The following SYF2 variants were observed in gnomAD, a reference collection of about 807,000 sequenced individuals.
SYF2 encodes the protein SYF2 pre-mRNA splicing factor, also known as pre-mRNA-splicing factor SYF2.
Under a neutral mutation model 32.7 loss-of-function variants are expected in SYF2, and 21 were observed. The observed-to-expected ratio is 0.64, with a 90% confidence interval of 0.45 to 0.92. The LOEUF (loss-of-function observed/expected upper bound fraction) is 0.92, where lower values mean the gene tolerates loss of function less well. Among genes scored for constraint, SYF2 ranks in the 40% least tolerant of loss-of-function variants. SYF2 has a pLI of 0.00. For synonymous variants in SYF2, 114 were observed against 103.9 expected, an observed-to-expected ratio of 1.10 and a Z score of -0.59; for missense variants, 278 against 296.5, an observed-to-expected ratio of 0.94 and a Z score of 0.46.
chr1:25,227,480 T>G lies in SYF2; in HGVS notation c.429A>C (p.Lys143Asn). 1 of 1,613,846 alleles carries G rather than the reference T, an allele frequency of 6.2e-7. No individual in the cohort carries two copies. Among genetic ancestry groups the G allele is most frequent in the Non-Finnish European group, 8.5e-7 (1 of 1,179,930 alleles). Reference sequence around the variant, plus strand: ...GTCTCTCATATGTTTCCATGTCAGGTTTGATCTGCTTGGTCAACCGATGAT... The same window carrying G: ...GTCTCTCATATGTTTCCATGTCAGGGTTGATCTGCTTGGTCAACCGATGAT... Reference protein sequence around the residue: ...RQYHRLTKQIKPDMETYERLR... With the variant: ...RQYHRLTKQINPDMETYERLR... The change falls in exon 5 of 7, where the codon AAA becomes AAC. Residue 143 changes from lysine to asparagine, a missense_variant. By Grantham distance (94) the Lys-to-Asn change is moderately conservative. Transcript: ENST00000236273.
At chr1:25,228,895 G>A in intron 3 of SYF2, 103 bp downstream of exon 3, 1 of 1,403,984 alleles carries the variant, frequency 7.1e-7, no homozygotes, top group Non-Finnish European at 9.6e-7. Context: ...TTCAATTCTG[G>A]CAGCTTGGCC....
chr1:25,224,961 T>C (rs1394644822), intron 6 of SYF2, 41 bp downstream of exon 6: 1 of 1,369,076 alleles, frequency 7.3e-7, no homozygotes. Flanking sequence ...CATTTTGTCA[T>C]GAAGTATTTA....
At chr1:25,232,023 G>T in intron 2 of SYF2, 81 bp downstream of exon 2, 1 of 1,358,170 alleles carries the variant, frequency 7.4e-7, no homozygotes, top group Non-Finnish European at 1.0e-6. Flanking sequence ...AGACGCAGTG[G>T]TGTGGCTTCC....
rs200773278 is a variant in SYF2, at chr1:25,223,437, G to A, written c.567-6C>T. On this transcript the variant is annotated splice_region_variant and splice_polypyrimidine_tract_variant and intron_variant, in intron 6 of 6. Coordinates refer to ENST00000236273, the MANE Select transcript of SYF2 (RefSeq NM_015484.5). ...ATTTGTCTCGTTTTTCAATCCTGGG[G>A]AAAGAAGAAAATTTACAAAATTCAA... 1,793 of 1,595,224 alleles carry A rather than the reference G, an allele frequency of 1.1e-3. 44 individuals are homozygous for A. In the Admixed American group the frequency reaches 0.03, roughly 27 times the overall value.
chr1:25,231,902 A>G (rs1638637772), intron 2 of SYF2: 2 of 653,946 alleles, frequency 3.1e-6, no homozygotes, highest in South Asian at 3.4e-5. Context: ...GAGGGGCTGG[A>G]GTGAACAGTT....
chr1:25,228,447 C>G (rs1274002816), intron 3 of SYF2, among the ~76,000 whole-genome samples: 1 of 152,104 alleles, frequency 6.6e-6, no homozygotes, highest in Admixed American at 6.5e-5. Flanking sequence ...GGATTCTCAT[C>G]TCTTAGCCTC....
intron 2 of SYF2, among the ~76,000 whole-genome samples, chr1:25,229,584 G>A (rs751030950): frequency 6.6e-6 from 1 of 151,978 alleles, no homozygotes; most frequent in Non-Finnish European, 1.5e-5. Flanking sequence ...AGACCAGGCT[G>A]GCCAACATGG....
chr1:25,226,642 CAT>C (rs750604228), intron 5 of SYF2, among the ~76,000 whole-genome samples: 7 of 152,174 alleles, frequency 4.6e-5, no homozygotes, highest in Admixed American at 3.9e-4. Flanking sequence ...AAACAAAAAA[CAT>C]GTGATTAATT....
chr1:25,230,651 T>C (rs1233506937), intron 2 of SYF2: 1 of 152,092 alleles, frequency 6.6e-6, no homozygotes, highest in South Asian at 2.1e-4. Context: ...GTTGAGTCTG[T>C]TGCACAGAAG....
rs181645884 is a variant in SYF2 at position 25,226,576 on chromosome 1, G to A, written c.467+866C>T. ...CCTAAAATAATATCTAAGTAACTAC[G>A]ACAATCAGGGTGTTAACCAATCAAC... On this transcript the variant is annotated intron_variant, in intron 5 of 6. Transcript: ENST00000236273. Among the ~76,000 whole-genome samples, 358 of 152,278 alleles carry A rather than the reference G, an allele frequency of 2.4e-3. 1 individual carries two copies. The highest frequency in any genetic ancestry group is 7.5e-3 in the African/African-American group (312 of 41,558).
At chr1:25,229,501 G>A (rs1036116225) in intron 2 of SYF2, among the ~76,000 whole-genome samples, 3 of 152,180 alleles carry the variant, frequency 2.0e-5, no homozygotes, top group Non-Finnish European at 4.4e-5. Flanking sequence ...TTGGCCAGGT[G>A]CAGTGGATCA....
At chr1:25,223,859 AT>A (rs899555670) in intron 6 of SYF2, among the ~76,000 whole-genome samples, 2 of 151,978 alleles carry the variant, frequency 1.3e-5, no homozygotes, top group South Asian at 2.1e-4. Context: ...TATAAAAAAA[AT>A]TTTTTTGAAT....
rs1313553720 is a variant in SYF2 at position 25,232,475 on chromosome 1, T to C, written c.-8A>G. 1 of 1,613,802 alleles carries C rather than the reference T, an allele frequency of 6.2e-7. No individual in the cohort carries two copies. The highest frequency in any genetic ancestry group is 8.5e-7 in the Non-Finnish European group (1 of 1,180,046). On this transcript the variant is annotated 5_prime_UTR_variant, in exon 1 of 7. Transcript: ENST00000236273. ...TGCAGCTATAGCCGCCATCACAACC[T>C]TTCTCTCTTCCCACTTCCGGCAACA...
chr1:25,232,178 C>CG lies in SYF2; in HGVS notation c.57dup (p.Ala20ArgfsTer27). 1 of 1,613,954 alleles carries CG rather than the reference C, an allele frequency of 6.2e-7. No homozygotes were observed. Among genetic ancestry groups the CG allele is most frequent in the Non-Finnish European group, 8.5e-7 (1 of 1,180,024 alleles). ...TGAGCGGCCAGCTCCGCCGCCGCAG[C>CG]GAGGGACCCCTCCTCCGCGCTGTCC... On this transcript the variant is annotated frameshift_variant, in exon 2 of 7. Coordinates refer to ENST00000236273, the MANE Select transcript of SYF2 (RefSeq NM_015484.5). LOFTEE classifies it high-confidence loss of function.
intron 5 of SYF2, 37 bp downstream of exon 5, chr1:25,227,405 A>C (rs1638533784): frequency 6.5e-7 from 1 of 1,542,204 alleles, no homozygotes. Flanking sequence ...ACACACACAA[A>C]TACATCCACA....
At chr1:25,228,034 A>T in intron 4 of SYF2, 84 bp downstream of exon 4, 3 of 1,093,088 alleles carry the variant, frequency 2.7e-6, no homozygotes, top group Non-Finnish European at 4.1e-6. Flanking sequence ...GAAGCACAAG[A>T]GGCACATCCT....
rs1557470143 is a variant in SYF2 at position 25,227,440 on chromosome 1, A to G, written c.467+2T>C. The G allele has an allele frequency of 3.7e-6, 6 of 1,612,336 alleles. No homozygotes were observed. The South Asian group carries it at 4.4e-5, about 12-fold the overall frequency. On this transcript the variant is annotated splice_donor_variant, in intron 5 of 6. Transcript: ENST00000236273. LOFTEE classifies it high-confidence loss of function. Reference sequence around the variant, plus strand: ...ATCACCTCAGGTTGAAAAAGGACTTACTGTTTTTCTCTCAGTCTCTCATAT... The same window carrying G: ...ATCACCTCAGGTTGAAAAAGGACTTGCTGTTTTTCTCTCAGTCTCTCATAT...
intron 5 of SYF2, among the ~76,000 whole-genome samples, chr1:25,225,660 C>A (rs1023311152): frequency 1.5e-4 from 23 of 150,822 alleles, no homozygotes; most frequent in African/African-American, 5.6e-4. Context: ...GAGTTTGAGA[C>A]CAGCCTGGCC....
In SYF2 at chr1:25,229,473, T is replaced by G. The variant is rs116551033; in HGVS notation, c.133-350A>C. Among the ~76,000 whole-genome samples the G allele has an allele frequency of 7.0e-3, 1,070 of 152,234 alleles. 8 individuals are homozygous for G. Among genetic ancestry groups the G allele is most frequent in the African/African-American group, 0.023 (970 of 41,562 alleles). On this transcript the variant is annotated intron_variant, in intron 2 of 6. Transcript: ENST00000236273. ...TATAGTGGCACTTAAGTAGACTTTA[T>G]TTGGCATTACTATTAAATTGGCCAG...
Sources: allele counts gnomAD v4.1 joint callset (sites outside exome capture counted in the v4.1 genomes callset), GRCh38; gene constraint gnomAD v4.1.1; transcripts MANE v1.5; gene names NCBI Gene and HGNC (gene_info 2026-07-23, HGNC 2026-07-21).